Variants in FAP observed in about 807,000 individuals in gnomAD.
FAP encodes the protein fibroblast activation protein alpha.
Under a neutral mutation model 126.5 loss-of-function variants are expected in FAP, and 110 were observed. That is an observed-to-expected ratio of 0.87 (90% CI 0.74 to 1.02). The LOEUF (loss-of-function observed/expected upper bound fraction) is 1.02, where lower values mean the gene tolerates loss of function less well. Ranked by LOEUF, FAP falls within the 50% of genes least tolerant of loss-of-function variation. The pLI is 0.00. For synonymous variants in FAP, 334 were observed against 297.3 expected (o/e 1.12, Z -1.27); for missense variants, 919 against 909.2 (o/e 1.01, Z -0.14).
In FAP at chr2:162,198,785, G is replaced by A. The variant is rs62001030; in HGVS notation, c.1374C>T (p.Tyr458=). The stretch of plus-strand genomic sequence containing the variant: ...AGCAGACAAGTGCATAGTACTTGGC[G>A]TAGTCGCTGAAACTTGCTGTGTAAT... ...CQYYTASFSD[Y]AKYYALVCYG... is the part of the protein sequence containing the mutation. The change falls in exon 16 of 26, where the codon TAC becomes TAT. Residue 458 remains tyrosine (Y), a synonymous_variant. Transcript: ENST00000188790. 5.5e-4 allele frequency: 884 copies of A among 1,614,066 alleles called. 3 individuals carry two copies. The African/African-American group carries it at 9.7e-3, about 18-fold the overall frequency.
intron 12 of FAP, among the ~76,000 whole-genome samples, chr2:162,203,762 A>G (rs1356188883): frequency 6.6e-6 from 1 of 152,118 alleles, no homozygotes; most frequent in Non-Finnish European, 1.5e-5. Context: ...CTAACAGGTA[A>G]CCCCATGCAG....
chr2:162,189,736 T>G lies in FAP; in HGVS notation c.1469A>C (p.Glu490Ala). 6.4e-7 allele frequency: 1 copy of G among 1,573,940 alleles called. No homozygotes were observed. Among genetic ancestry groups the G allele is most frequent in the Non-Finnish European group, 8.7e-7 (1 of 1,153,260 alleles). ...CAAAGCATTTTCCAATTCCTTGTTT[T>G]CTTCCAGGATTTTAATTTCTGAAAA... ...RTDQEIKILE[E>A]NKELENALKN... Residue 490 changes from glutamate to alanine, a missense_variant, in exon 18 of 26, where the codon GAA becomes GCA. By Grantham distance (107) the Glu-to-Ala change is moderately radical. Coordinates refer to ENST00000188790, the MANE Select transcript of FAP (RefSeq NM_004460.5).
At chr2:162,213,916 C>A in intron 11 of FAP, 22 bp downstream of exon 11, 1 of 1,606,512 alleles carries the variant, frequency 6.2e-7, no homozygotes, top group South Asian at 1.1e-5. Context: ...AAATACGTAT[C>A]TGTGATCTTA....
In FAP at chr2:162,243,436, A is replaced by C; in HGVS notation, c.-109T>G. On this transcript the variant is annotated 5_prime_UTR_variant, in exon 1 of 26. Coordinates refer to ENST00000188790, the MANE Select transcript of FAP (RefSeq NM_004460.5). Reference sequence around the variant, plus strand: ...AGTCTGTCTTTGTAGTTGGAAGCTGAAGCCAGGACAAGGTTTTTTTCTTTC... The same window carrying C: ...AGTCTGTCTTTGTAGTTGGAAGCTGCAGCCAGGACAAGGTTTTTTTCTTTC... The C allele has an allele frequency of 7.0e-7, 1 of 1,423,150 alleles. No homozygotes were observed. Among genetic ancestry groups the C allele is most frequent in the Non-Finnish European group, 9.4e-7 (1 of 1,064,992 alleles). The allele number at this position is 1,423,150 out of a possible 1,614,324, so 88.2% of individuals were successfully genotyped here.
chr2:162,224,680 G>A, intron 4 of FAP, 140 bp from the exon 5 acceptor site: 1 of 509,776 alleles, frequency 2.0e-6, no homozygotes, highest in Non-Finnish European at 3.4e-6. Context: ...AATATTTTGT[G>A]GAACTTAACT....
In FAP at chr2:162,223,586, T is replaced by C. The variant is rs1362999426; in HGVS notation, c.413+22A>G. 8 of 1,452,946 alleles carry C rather than the reference T, an allele frequency of 5.5e-6. No homozygotes were observed. In the African/African-American group the frequency reaches 9.8e-5, roughly 18 times the overall value. The allele number at this position is 1,452,946 out of a possible 1,614,324, so 90.0% of individuals were successfully genotyped here. A position where few individuals can be genotyped will look rare whatever the true frequency, so the allele number is the denominator to read the frequency against. On this transcript the variant is annotated intron_variant, in intron 6 of 25. Coordinates refer to ENST00000188790, the MANE Select transcript of FAP (RefSeq NM_004460.5). ...TTCTAGGTATTAGATTTAAGTAGTA[T>C]TAATAAACAGAGGTGATTTACCCAT...
Position 162,194,684 on chromosome 2 carries a change from C to T in FAP, c.1450+17G>A, listed in dbSNP as rs1576152547. The T allele has an allele frequency of 2.5e-6, 4 of 1,611,744 alleles. No individual in the cohort carries two copies. Among genetic ancestry groups the T allele is most frequent in the African/African-American group, 2.7e-5 (2 of 74,946 alleles). ...GGATTACTTGAGACAAGATAGATAA[C>T]ATGCAAGAGAGAGTACCTTGATCAG... On this transcript the variant is annotated intron_variant, in intron 17 of 25. Coordinates refer to ENST00000188790, the MANE Select transcript of FAP (RefSeq NM_004460.5).
chr2:162,235,823 T>G (rs1475857958), intron 2 of FAP, among the ~76,000 whole-genome samples: 1 of 152,186 alleles, frequency 6.6e-6, no homozygotes, highest in Non-Finnish European at 1.5e-5. Context: ...ACTGCCTTTA[T>G]GAGCTGTAAC....
intron 2 of FAP, 39 bp from the exon 3 acceptor site, chr2:162,226,660 G>T (rs778082207): frequency 6.5e-6 from 7 of 1,084,060 alleles, no homozygotes; most frequent in Non-Finnish European, 6.9e-6. Context: ...TTAAAAAGAA[G>T]GTTAACAACT....
In FAP at chr2:162,189,677, T is replaced by A. The variant is rs750681495; in HGVS notation, c.1528A>T (p.Lys510Ter). 4 of 1,576,550 alleles carry A rather than the reference T, an allele frequency of 2.5e-6. No homozygotes were observed. The highest frequency in any genetic ancestry group is 1.4e-5 in the African/African-American group (1 of 73,550). ...TTACTAATTTCATCTACTTCAAGTT[T>A]CTTAATTTCCTCTTTAGGCAGCTGG... ...NIQLPKEEIK[K>*]LEVDEITLWY... The change falls in exon 18 of 26, where the codon AAA becomes TAA. Residue 510 changes from lysine to a stop codon, truncating the protein, a stop_gained. Transcript: ENST00000188790. LOFTEE classifies it high-confidence loss of function.
At chr2:162,179,884 C>A (rs1404091036) in intron 21 of FAP, among the ~76,000 whole-genome samples, 15 of 149,994 alleles carry the variant, frequency 1.0e-4, no homozygotes, top group Admixed American at 1.0e-3. Context: ...TCTCAGCTTA[C>A]TGCAACCTCT....
In FAP at chr2:162,215,910, A is replaced by G. The variant is rs775922688; in HGVS notation, c.854T>C (p.Met285Thr). 6.2e-7 allele frequency: 1 copy of G among 1,612,744 alleles called. No individual in the cohort carries two copies. The highest frequency in any genetic ancestry group is 1.1e-5 in the South Asian group (1 of 91,042). ...TGAGATGAACTACCTTGAGGCTATC[A>G]TTGCTGGAACAGGCACTTCCTGGGG... ...VGPQEVPVPA[M>T]IASSDYYFSW... The change falls in exon 10 of 26, where the codon ATG becomes ACG. Residue 285 changes from methionine (M) to threonine (T), a missense_variant. Physicochemically the swap from Met to Thr is moderately conservative, Grantham distance 81. Coordinates refer to ENST00000188790, the MANE Select transcript of FAP (RefSeq NM_004460.5).
intron 14 of FAP, among the ~76,000 whole-genome samples, chr2:162,202,630 T>C (rs1688540524): frequency 6.6e-6 from 1 of 152,238 alleles, no homozygotes; most frequent in Non-Finnish European, 1.5e-5. Context: ...AAAATTTGTA[T>C]ACTTTTTATA....
chr2:162,224,622 A>G (rs1689558942), intron 4 of FAP, 82 bp from the exon 5 acceptor site: 4 of 776,100 alleles, frequency 5.2e-6, no homozygotes, highest in Admixed American at 2.7e-5. Context: ...AGAATATTAT[A>G]TTATCAACAT....
chr2:162,239,519 G>A (rs1292263495), intron 2 of FAP, among the ~76,000 whole-genome samples: 1 of 151,962 alleles, frequency 6.6e-6, no homozygotes, highest in Non-Finnish European at 1.5e-5. Flanking sequence ...AAAAAGTTGG[G>A]GATAGGAACA....
At chr2:162,198,359 T>C in intron 16 of FAP, 1 of 1,282,054 alleles carries the variant, frequency 7.8e-7, no homozygotes, top group Admixed American at 2.4e-5. Context: ...GCAACCATTT[T>C]ATCAGAGAAC....
chr2:162,172,545 G>A (rs1687346786), intron 25 of FAP: 1 of 370,904 alleles, frequency 2.7e-6, no homozygotes, highest in South Asian at 4.7e-5. Flanking sequence ...AGAACTACTG[G>A]ATGTTTGAAC....
intron 20 of FAP, among the ~76,000 whole-genome samples, chr2:162,187,731 A>T (rs1687907795): frequency 6.6e-6 from 1 of 152,048 alleles, no homozygotes; most frequent in South Asian, 2.1e-4. Flanking sequence ...TTTAACCACA[A>T]ATGAAGGCCT....
chr2:162,179,809 TA>T (rs1373886970), intron 21 of FAP, among the ~76,000 whole-genome samples: 18,024 of 134,320 alleles, frequency 0.13, 1,609 homozygotes, highest in East Asian at 0.27. Flanking sequence ...TATATATATA[TA>T]TATTTTTTTT....
Sources: gnomAD v4.1 joint callset for allele counts (sites outside exome capture counted in the v4.1 genomes callset) on GRCh38, gnomAD v4.1.1 for gene constraint, MANE v1.5 for transcripts, NCBI Gene and HGNC (gene_info 2026-07-23, HGNC 2026-07-21) for gene names.